KDM4C: variants seen among roughly 807,000 people sequenced by gnomAD.
KDM4C encodes the protein lysine-specific demethylase 4C.
KDM4C carries 81 observed loss-of-function variants against 129.3 expected under a neutral mutation model. The ratio of observed to expected loss-of-function variants is 0.63; its 90% CI spans 0.52 to 0.75. KDM4C has a LOEUF of 0.75. KDM4C is among the 30% of genes least tolerant of loss of function. The pLI is 0.00. For missense variants in KDM4C, 1,457 were observed against 1,304.0 expected (o/e 1.12, Z -1.81); for synonymous variants, 573 against 456.1 (o/e 1.26, Z -3.26).
intron 5 of KDM4C, among the ~76,000 whole-genome samples, chr9:6,857,812 T>A (rs2130361413): frequency 6.6e-6 from 1 of 150,894 alleles, no homozygotes; most frequent in African/African-American, 2.4e-5. Context: ...TGGAGTGCAG[T>A]GGTGCAATCT....
rs375655422 is a variant in KDM4C at position 7,122,265 on chromosome 9, A to ACACACACTCT, written c.2611-5800_2611-5799insACACACTCTC. On this transcript the variant is annotated intron_variant, in intron 18 of 21. Transcript: ENST00000381309. ...CACACACACACACACACACACACACACTCTCTCTCTCTCTCTCTCTTAAAC... is the reference window on the plus strand; with the variant it reads ...CACACACACACACACACACACACACACACACACTCTCTCTCTCTCTCTCTCTCTCTTAAAC... Among the ~76,000 whole-genome samples, 448 of 144,798 alleles carry ACACACACTCT rather than the reference A, an allele frequency of 3.1e-3. 2 individuals carry two copies. In the East Asian group the frequency reaches 0.031, roughly 10 times the overall value. The allele number at this position is 144,798 out of a possible 152,430, so 95.0% of individuals were successfully genotyped here. A position where few individuals can be genotyped will look rare whatever the true frequency, so the allele number is the denominator to read the frequency against.
intron 8 of KDM4C, among the ~76,000 whole-genome samples, chr9:6,902,004 C>T (rs1394472631): frequency 6.6e-6 from 1 of 152,100 alleles, no homozygotes; most frequent in Non-Finnish European, 1.5e-5. Flanking sequence ...CTGAAATCTT[C>T]CTGTGACTCT....
At chr9:7,068,505 G>C (rs1368349071) in intron 17 of KDM4C, among the ~76,000 whole-genome samples, 1 of 152,062 alleles carries the variant, frequency 6.6e-6, no homozygotes, top group Non-Finnish European at 1.5e-5. Flanking sequence ...CAGACAACCT[G>C]GGTTCACCTG....
intron 8 of KDM4C, among the ~76,000 whole-genome samples, chr9:6,955,462 C>G (rs545995530): frequency 1.3e-5 from 2 of 152,132 alleles, no homozygotes; most frequent in Non-Finnish European, 2.9e-5. Context: ...TATAGAGGCC[C>G]CTTTTCCAAG....
chr9:7,103,580 G>GTTTTTTT, intron 17 of KDM4C, 105 bp from the exon 18 acceptor site: 3 of 624,944 alleles, frequency 4.8e-6, no homozygotes, highest in Non-Finnish European at 7.8e-6. Context: ...GTAATCAGTT[G>GTTTTTTT]TTTTTTTTTT....
At chr9:6,937,690 G>A (rs1264052391) in intron 8 of KDM4C, among the ~76,000 whole-genome samples, 2 of 151,982 alleles carry the variant, frequency 1.3e-5, no homozygotes, top group African/African-American at 2.4e-5. Flanking sequence ...CTTCTCTCCT[G>A]TGGAATAAAT....
At chr9:6,857,249 A>G (rs546902673) in intron 5 of KDM4C, among the ~76,000 whole-genome samples, 1 of 152,218 alleles carries the variant, frequency 6.6e-6, no homozygotes, top group Non-Finnish European at 1.5e-5. Flanking sequence ...CCTGGTTAAC[A>G]TAGGGACACC....
chr9:6,746,737 G>A (rs1421901507), intron 1 of KDM4C, among the ~76,000 whole-genome samples: 6 of 150,644 alleles, frequency 4.0e-5, no homozygotes, highest in Non-Finnish European at 8.9e-5. Context: ...GGCCAGGCGC[G>A]GTGGCTCACG....
intron 8 of KDM4C, among the ~76,000 whole-genome samples, chr9:6,903,424 A>C (rs1425975705): frequency 6.6e-6 from 1 of 152,222 alleles, no homozygotes. Context: ...TGTAGTTGGT[A>C]GAGTGGGCAC....
At chr9:6,914,209 G>A (rs1039552148) in intron 8 of KDM4C, among the ~76,000 whole-genome samples, 3 of 152,064 alleles carry the variant, frequency 2.0e-5, no homozygotes, top group Non-Finnish European at 4.4e-5. Flanking sequence ...ACAGCCATGC[G>A]CCACCATGTT....
intron 8 of KDM4C, among the ~76,000 whole-genome samples, chr9:6,959,061 T>C (rs1829596765): frequency 6.6e-6 from 1 of 152,194 alleles, no homozygotes; most frequent in Admixed American, 6.5e-5. Context: ...GAATAAAACA[T>C]TTATAGTCCT....
At chr9:7,013,050 T>G (rs1563981557) in intron 13 of KDM4C, among the ~76,000 whole-genome samples, 1 of 152,144 alleles carries the variant, frequency 6.6e-6, no homozygotes, top group Non-Finnish European at 1.5e-5. Context: ...AGTCATTAAA[T>G]TTCTGGGTTT....
At chr9:6,850,439 TTTTTA>T (rs144507337) in intron 5 of KDM4C, among the ~76,000 whole-genome samples, 3,449 of 152,160 alleles carry the variant, frequency 0.023, 113 homozygotes, top group African/African-American at 0.079. Flanking sequence ...CCTCTAATTA[TTTTTA>T]TTTTATTTTA....
At chr9:6,834,823 G>A in intron 4 of KDM4C, 1 of 1,380,606 alleles carries the variant, frequency 7.2e-7, no homozygotes, top group African/African-American at 1.4e-5. Flanking sequence ...CCCAGATCAT[G>A]TTTGAGACCT....
At chr9:7,090,846 C>T (rs1835708767) in intron 17 of KDM4C, among the ~76,000 whole-genome samples, 1 of 152,212 alleles carries the variant, frequency 6.6e-6, no homozygotes, top group Admixed American at 6.5e-5. Flanking sequence ...AAAATAGGCA[C>T]ACACCAGAAT....
chr9:6,908,512 G>A (rs751640655), intron 8 of KDM4C, among the ~76,000 whole-genome samples: 50 of 152,228 alleles, frequency 3.3e-4, no homozygotes, highest in African/African-American at 9.1e-4. Context: ...GGGAACGGGC[G>A]TCCACGGAAG....
intron 19 of KDM4C, among the ~76,000 whole-genome samples, chr9:7,163,659 G>A (rs145590706): frequency 6.6e-6 from 1 of 152,220 alleles, no homozygotes; most frequent in African/African-American, 2.4e-5. Context: ...GTACTCAGAA[G>A]CTATACCTTC....
At chr9:6,868,715 G>C (rs1842418114) in intron 5 of KDM4C, among the ~76,000 whole-genome samples, 2 of 152,016 alleles carry the variant, frequency 1.3e-5, no homozygotes, top group Non-Finnish European at 2.9e-5. Context: ...TTTTTGATCT[G>C]TGATTGGTTG....
At chr9:6,754,082 G>A (rs1431512727), upstream of KDM4C, among the ~76,000 whole-genome samples, 2 of 151,596 alleles carry the variant, frequency 1.3e-5, no homozygotes, top group African/African-American at 4.8e-5. Context: ...CACCGTGCTA[G>A]CCAGGATGGT....
Sources: allele counts gnomAD v4.1 joint callset (sites outside exome capture counted in the v4.1 genomes callset), GRCh38; gene constraint gnomAD v4.1.1; transcripts MANE v1.5; gene names NCBI Gene and HGNC (gene_info 2026-07-23, HGNC 2026-07-21).